PRUNE2: variants seen among roughly 807,000 people sequenced by gnomAD.
PRUNE2 encodes prune homolog 2 with BCH domain, also known as protein prune homolog 2.
In PRUNE2, 164 loss-of-function variants were observed where a neutral mutation model predicts 252.0. That is an observed-to-expected ratio of 0.65 (90% CI 0.57 to 0.74). The LOEUF (loss-of-function observed/expected upper bound fraction) is 0.74. Ranked by LOEUF, PRUNE2 falls within the 30% of genes least tolerant of loss-of-function variation. PRUNE2 has a pLI of 0.00. For missense variants in PRUNE2, 3,495 were observed against 3,711.0 expected (o/e 0.94, Z 1.51); for synonymous variants, 1,292 against 1,350.2 (o/e 0.96, Z 0.94).
rs1187090082 is a variant in PRUNE2, at chr9:76,660,787, AAAAAAAAAAAAAAAGAAAGAAAGAAAG to A, written c.8277-5312_8277-5286del. On this transcript the variant is annotated intron_variant, in intron 9 of 18. Transcript: ENST00000376718. ...ACAGAGCAAGACTCTGAATCAAAAA[AAAAAAAAAAAAAAAGAAAGAAAGAAAG>A]AATCAGATGTGAAACCACTTGGTAG... Among the ~76,000 whole-genome samples, 4 of 146,036 alleles carry A rather than the reference AAAAAAAAAAAAAAAGAAAGAAAGAAAG, an allele frequency of 2.7e-5. No individual in the cohort carries two copies. In the Admixed American group the frequency reaches 2.8e-4, roughly 10 times the overall value.
intron 6 of PRUNE2, chr9:76,808,956 T>C (rs2057168243): frequency 6.6e-6 from 1 of 152,306 alleles, no homozygotes; most frequent in Admixed American, 6.5e-5. Flanking sequence ...TCCATTTCAC[T>C]GCTGCTTTTA....
rs192077118 is a variant in PRUNE2, at chr9:76,658,024, G to A, written c.8277-2522C>T. Among the ~76,000 whole-genome samples the A allele has an allele frequency of 7.9e-5, 12 of 152,228 alleles. No individual in the cohort carries two copies. The South Asian group carries it at 1.0e-3, about 13-fold the overall frequency. ...AAAAATGCTGAAGGCTGTGATCAGC[G>A]GATGACCCAAGGAGAGAGATTCACA... On this transcript the variant is annotated intron_variant, in intron 9 of 18. Transcript: ENST00000376718.
At position 76,707,332 on chromosome 9, in the gene PRUNE2, G is replaced by A; in HGVS notation, c.4942C>T (p.His1648Tyr). 1 of 1,613,910 alleles carries A rather than the reference G, an allele frequency of 6.2e-7. No individual in the cohort carries two copies. Among genetic ancestry groups the A allele is most frequent in the Non-Finnish European group, 8.5e-7 (1 of 1,179,836 alleles). Residue 1648 changes from histidine (H) to tyrosine (Y), a missense_variant, in exon 8 of 19, where the codon CAT becomes TAT. Coordinates refer to ENST00000376718, the MANE Select transcript of PRUNE2 (RefSeq NM_015225.3). ...SSPETGKYSE[H>Y]SGTHQESNLI... The stretch of plus-strand genomic sequence containing the variant: ...TTGCTTTCCTGATGTGTCCCTGAAT[G>A]TTCAGAATATTTGCCTGTTTCAGGA...
intron 6 of PRUNE2, among the ~76,000 whole-genome samples, chr9:76,732,848 T>A (rs985277593): frequency 6.6e-6 from 1 of 152,152 alleles, no homozygotes; most frequent in Admixed American, 6.6e-5. Flanking sequence ...TCTGTATCTA[T>A]CTCTCTGATT....
chr9:76,846,443 C>A (rs2059673653), intron 4 of PRUNE2, 72 bp downstream of exon 4: 2 of 1,350,472 alleles, frequency 1.5e-6, no homozygotes, highest in South Asian at 1.5e-5. Flanking sequence ...GGATCGCATT[C>A]TTTCTACATG....
rs1379776555 is a variant in PRUNE2, at chr9:76,711,348, T to C, written c.926A>G (p.Glu309Gly). 6.2e-7 allele frequency: 1 copy of C among 1,608,596 alleles called. No homozygotes were observed. ...GCAAGGGTTCTGACACTCTTCCAGC[T>C]CACAGCAAATCTGTCGGAAGGCACA... The part of the protein sequence containing the change: ...NMELCSQICC[E>G]LEECQNPCLE... Residue 309 changes from glutamate to glycine, a missense_variant, in exon 8 of 19, where the codon GAG (glutamate) becomes GGG (glycine). Glu to Gly is a moderately conservative substitution (Grantham distance 98). Transcript: ENST00000376718.
chr9:76,880,038 C>T (rs2049735394), intron 1 of PRUNE2, among the ~76,000 whole-genome samples: 1 of 150,280 alleles, frequency 6.7e-6, no homozygotes, highest in Non-Finnish European at 1.5e-5. Context: ...CTCAGCCTCC[C>T]GAGTAGCTGG....
chr9:76,776,893 TACACACACAC>T (rs541232508), intron 6 of PRUNE2, among the ~76,000 whole-genome samples: 11,829 of 115,568 alleles, frequency 0.1, 557 homozygotes, highest in Non-Finnish European at 0.11. Context: ...CCAAAACACA[TACACACACAC>T]ACACACACAC....
At chr9:76,830,630 C>T (rs567415337) in intron 4 of PRUNE2, among the ~76,000 whole-genome samples, 63 of 145,544 alleles carry the variant, frequency 4.3e-4, no homozygotes, top group African/African-American at 1.5e-3. Context: ...CCAGCCTGAG[C>T]GATACAGCAA....
At chr9:76,630,469 A>C (rs1424224364) in intron 15 of PRUNE2, among the ~76,000 whole-genome samples, 2 of 152,198 alleles carry the variant, frequency 1.3e-5, no homozygotes, top group Admixed American at 6.5e-5. Flanking sequence ...GATTAGGAAC[A>C]GGAATTGGTA....
chr9:76,829,533 GTTCA>G (rs993601401), intron 4 of PRUNE2, among the ~76,000 whole-genome samples: 13 of 152,178 alleles, frequency 8.5e-5, no homozygotes, highest in African/African-American at 2.9e-4. Flanking sequence ...ACACAGCCAT[GTTCA>G]TTAATTCGCA....
chr9:76,640,139 G>A (rs1025728297), intron 12 of PRUNE2, among the ~76,000 whole-genome samples: 2 of 152,200 alleles, frequency 1.3e-5, no homozygotes, highest in African/African-American at 4.8e-5. Context: ...CAAGCTTTGA[G>A]TAGGAGGACA....
intron 1 of PRUNE2, among the ~76,000 whole-genome samples, chr9:76,875,846 C>T (rs1025505085): frequency 2.6e-5 from 4 of 152,222 alleles, no homozygotes; most frequent in East Asian, 1.9e-4. Context: ...CCCTTTGACA[C>T]GTATCTCAAA....
intron 1 of PRUNE2, among the ~76,000 whole-genome samples, chr9:76,886,317 G>C (rs2062096370): frequency 6.6e-6 from 1 of 152,110 alleles, no homozygotes; most frequent in South Asian, 2.1e-4. Flanking sequence ...AGTTCACACA[G>C]CTGAGAAGTA....
intron 4 of PRUNE2, among the ~76,000 whole-genome samples, chr9:76,838,953 G>A (rs2059227049): frequency 6.6e-6 from 1 of 151,896 alleles, no homozygotes; most frequent in African/African-American, 2.4e-5. Context: ...CTCCACAAGA[G>A]GGCTAAAATA....
intron 3 of PRUNE2, 59 bp downstream of exon 3, chr9:76,850,404 T>G (rs1167710039): frequency 7.4e-7 from 1 of 1,350,336 alleles, no homozygotes; most frequent in Non-Finnish European, 1.1e-6. Context: ...AAAGTGACAC[T>G]TTGCCCAGTA....
intron 6 of PRUNE2, among the ~76,000 whole-genome samples, chr9:76,817,470 G>A (rs2057762857): frequency 6.6e-6 from 1 of 152,114 alleles, no homozygotes; most frequent in African/African-American, 2.4e-5. Flanking sequence ...AGTTACATGT[G>A]ACCATGTGAC....
At chr9:76,831,258 G>A (rs899299516) in intron 4 of PRUNE2, among the ~76,000 whole-genome samples, 3 of 151,570 alleles carry the variant, frequency 2.0e-5, no homozygotes, top group Admixed American at 6.6e-5. Flanking sequence ...CAAAATAAAG[G>A]CATTTCAGAA....
chr9:76,865,861 A>G (rs1406903258), intron 1 of PRUNE2, among the ~76,000 whole-genome samples: 1 of 150,344 alleles, frequency 6.7e-6, no homozygotes, highest in Non-Finnish European at 1.5e-5. Flanking sequence ...GAGCATTATG[A>G]CATGTGCATT....
Sources: gnomAD v4.1 joint callset for allele counts (sites outside exome capture counted in the v4.1 genomes callset) on GRCh38, gnomAD v4.1.1 for gene constraint, MANE v1.5 for transcripts, NCBI Gene and HGNC (gene_info 2026-07-23, HGNC 2026-07-21) for gene names.